Variants in AOPEP observed in about 807,000 individuals in gnomAD.
AOPEP encodes the protein aminopeptidase O.
A neutral mutation model predicts 98.1 loss-of-function variants in AOPEP; 77 were observed. That is an observed-to-expected ratio of 0.78 (90% CI 0.65 to 0.95). AOPEP has a LOEUF of 0.95. AOPEP is among the 40% of genes least tolerant of loss of function. The probability of loss-of-function intolerance (pLI) is 0.00; values close to 1 mark genes in which losing one functional copy is unlikely to be tolerated. For missense variants in AOPEP, 1,024 were observed against 1,024.7 expected (o/e 1.00, Z 0.01); for synonymous variants, 346 against 365.3 (o/e 0.95, Z 0.60).
At chr9:95,026,520 A>AT (rs1201549273) in intron 13 of AOPEP, among the ~76,000 whole-genome samples, 1 of 152,206 alleles carries the variant, frequency 6.6e-6, no homozygotes, top group African/African-American at 2.4e-5. Context: ...CGCAGTGTGT[A>AT]TCGCTGTGTT....
intron 5 of AOPEP, among the ~76,000 whole-genome samples, chr9:94,912,303 T>C (rs1179923052): frequency 6.6e-6 from 1 of 152,072 alleles, no homozygotes; most frequent in Non-Finnish European, 1.5e-5. Context: ...GAAGGTAAAA[T>C]GAAAGTGCAA....
chr9:95,001,906 T>C lies in AOPEP; in HGVS notation c.1978-3252T>C, dbSNP rs570632063. ...GATCCTCCCACCTCACCCTCCCAGA[T>C]AGCTGGTACCGCAGGCTAACACCAC... is the stretch of plus-strand genomic sequence containing the variant. On this transcript the variant is annotated intron_variant, in intron 11 of 16. Coordinates refer to ENST00000375315, the MANE Select transcript of AOPEP (RefSeq NM_001193329.3). 5.3e-5 allele frequency among the ~76,000 whole-genome samples: 8 copies of C among 151,924 alleles called. No individual in the cohort carries two copies. The South Asian group carries it at 1.3e-3, about 24-fold the overall frequency.
intron 3 of AOPEP, among the ~76,000 whole-genome samples, chr9:94,779,237 A>G (rs939479644): frequency 6.6e-6 from 1 of 152,160 alleles, no homozygotes; most frequent in Non-Finnish European, 1.5e-5. Context: ...GAATTGATTG[A>G]GTATATGAAA....
At chr9:94,979,951 C>T (rs149562067) in intron 11 of AOPEP, among the ~76,000 whole-genome samples, 10 of 152,296 alleles carry the variant, frequency 6.6e-5, no homozygotes, top group African/African-American at 1.2e-4. Context: ...TGTCTCAGGC[C>T]GGCCTTCTCA....
the AOPEP span, chr9:95,100,233 A>C: frequency 4.4e-6 from 1 of 225,370 alleles, no homozygotes; most frequent in Non-Finnish European, 8.5e-6. Context: ...CATGAGCACG[A>C]AGCATGTTAT....
chr9:94,943,274 A>G (rs1221817205), intron 7 of AOPEP, among the ~76,000 whole-genome samples: 2 of 152,244 alleles, frequency 1.3e-5, no homozygotes, highest in Non-Finnish European at 2.9e-5. Context: ...CAACTCAACA[A>G]TAAAGACAAA....
chr9:94,846,786 T>C (rs2042913804), intron 5 of AOPEP, among the ~76,000 whole-genome samples: 1 of 152,152 alleles, frequency 6.6e-6, no homozygotes, highest in East Asian at 1.9e-4. Context: ...GGTGTGTACA[T>C]GTGTTCTCAG....
intron 1 of AOPEP, among the ~76,000 whole-genome samples, chr9:94,732,980 G>A (rs549912647): frequency 6.6e-6 from 1 of 152,004 alleles, no homozygotes; most frequent in Non-Finnish European, 1.5e-5. Context: ...GACTTTGACA[G>A]TTAGTTTATA....
intron 7 of AOPEP, chr9:94,931,874 G>C: frequency 7.5e-7 from 1 of 1,336,088 alleles, no homozygotes; most frequent in Non-Finnish European, 1.0e-6. Context: ...CTCTGCCTCT[G>C]TGGCCAGTCC....
rs563370701 is a variant in AOPEP at position 94,818,241 on chromosome 9, A to T, written c.1364+17239A>T. Reference sequence around the variant, plus strand: ...CCGTTACATCTTAGGTCCTCAGCAGATACTGGTTCCTTGCTTCAGTAGGCT... The same window carrying T: ...CCGTTACATCTTAGGTCCTCAGCAGTTACTGGTTCCTTGCTTCAGTAGGCT... On this transcript the variant is annotated intron_variant, in intron 5 of 16. Coordinates refer to ENST00000375315, the MANE Select transcript of AOPEP (RefSeq NM_001193329.3). 3.0e-3 allele frequency among the ~76,000 whole-genome samples: 461 copies of T among 152,328 alleles called. 5 individuals carry two copies. Among genetic ancestry groups the T allele is most frequent in the African/African-American group, 0.01 (434 of 41,562 alleles).
At chr9:95,133,005 A>G in the AOPEP span, among the ~76,000 whole-genome samples, 1 of 152,246 alleles carries the variant, frequency 6.6e-6, no homozygotes, top group Admixed American at 6.5e-5. Flanking sequence ...TGTAATAGGC[A>G]TCAGGTTTCC....
At position 94,887,165 on chromosome 9, in the gene AOPEP, AC is replaced by A. The variant is rs34250058; in HGVS notation, c.1365-36813del. On this transcript the variant is annotated intron_variant, in intron 5 of 16. Coordinates refer to ENST00000375315, the MANE Select transcript of AOPEP (RefSeq NM_001193329.3). ...AGACCAGCCTAGGAAACAAAGTGAG[AC>A]CCCCCCCGTCTCTACAAAAAATTAA... Among the ~76,000 whole-genome samples the A allele has an allele frequency of 3.3e-3, 491 of 147,336 alleles. 1 individual carries two copies. Among genetic ancestry groups the A allele is most frequent in the African/African-American group, 5.1e-3 (204 of 39,990 alleles).
chr9:95,123,957 G>A, the AOPEP span: 2 of 368,806 alleles, frequency 5.4e-6, no homozygotes, highest in South Asian at 2.2e-5. Context: ...ACAAAAAGTA[G>A]CCATGAGTGG....
intron 3 of AOPEP, among the ~76,000 whole-genome samples, chr9:94,786,714 C>T (rs894655476): frequency 6.6e-6 from 1 of 152,190 alleles, no homozygotes; most frequent in African/African-American, 2.4e-5. Flanking sequence ...AAAATCTTCT[C>T]CAGAGCACTA....
the AOPEP span, among the ~76,000 whole-genome samples, chr9:95,116,356 C>T: frequency 6.6e-6 from 1 of 152,328 alleles, no homozygotes; most frequent in African/African-American, 2.4e-5. Context: ...CCCCTAGCTC[C>T]AGCATCTGAG....
intron 11 of AOPEP, chr9:95,004,208 G>A (rs1173839725): frequency 4.4e-6 from 2 of 456,148 alleles, no homozygotes; most frequent in Non-Finnish European, 8.8e-6. Context: ...CGGCAGGCGG[G>A]TTCCAGCAAC....
At chr9:95,002,122 C>T (rs1028531242) in intron 11 of AOPEP, among the ~76,000 whole-genome samples, 3 of 152,118 alleles carry the variant, frequency 2.0e-5, no homozygotes, top group Admixed American at 6.5e-5. Context: ...ATCCCATGGT[C>T]TCCCTTTTGT....
chr9:94,804,068 G>T (rs557768977), intron 5 of AOPEP, among the ~76,000 whole-genome samples: 1 of 152,062 alleles, frequency 6.6e-6, no homozygotes, highest in African/African-American at 2.4e-5. Flanking sequence ...TTGTGTCCTC[G>T]TATGTTCTCA....
the AOPEP span, among the ~76,000 whole-genome samples, chr9:95,145,766 C>A: frequency 1.3e-5 from 2 of 152,176 alleles, no homozygotes; most frequent in Non-Finnish European, 2.9e-5. Context: ...AAGGGAACCA[C>A]CTAAGCCCAC....
Sources: allele counts gnomAD v4.1 joint callset (sites outside exome capture counted in the v4.1 genomes callset), GRCh38; gene constraint gnomAD v4.1.1; transcripts MANE v1.5; gene names NCBI Gene and HGNC (gene_info 2026-07-23, HGNC 2026-07-21).